Variants in FRYL observed in about 807,000 individuals in gnomAD.
FRYL encodes FRY like transcription coactivator.
A neutral mutation model predicts 351.2 loss-of-function variants in FRYL; 150 were observed. The observed-to-expected ratio is 0.43, with a 90% CI of 0.37 to 0.49. The LOEUF (loss-of-function observed/expected upper bound fraction) is 0.49. Ranked by LOEUF, FRYL falls within the 20% of genes least tolerant of loss-of-function variation. FRYL has a pLI of 0.00. For missense variants in FRYL, 3,036 were observed against 3,619.3 expected, an observed-to-expected ratio of 0.84 and a Z score of 4.13; for synonymous variants, 1,153 against 1,257.1, an observed-to-expected ratio of 0.92 and a Z score of 1.75.
At chr4:48,745,254 T>C (rs900251353) in intron 1 of FRYL, among the ~76,000 whole-genome samples, 9 of 152,192 alleles carry the variant, frequency 5.9e-5, no homozygotes, top group South Asian at 2.1e-4. Flanking sequence ...CATTACTGGG[T>C]ATATACCCAA....
At chr4:48,565,096 T>C in intron 29 of FRYL, 53 bp from the exon 30 acceptor site, 5 of 1,068,748 alleles carry the variant, frequency 4.7e-6, no homozygotes, top group Non-Finnish European at 6.9e-6. Flanking sequence ...GGTTAAATGT[T>C]GGTTGCTTAA....
chr4:48,559,183 C>T (rs1432501691), intron 33 of FRYL, among the ~76,000 whole-genome samples: 1 of 152,104 alleles, frequency 6.6e-6, no homozygotes, highest in African/African-American at 2.4e-5. Context: ...CAATTATGCT[C>T]AACCTTAACC....
intron 4 of FRYL, among the ~76,000 whole-genome samples, chr4:48,627,224 C>A (rs1255984654): frequency 6.6e-6 from 1 of 152,036 alleles, no homozygotes; most frequent in Non-Finnish European, 1.5e-5. Flanking sequence ...CTAATGTGAA[C>A]TATGTGTCTA....
chr4:48,605,948 G>A, intron 10 of FRYL, 115 bp from the exon 11 acceptor site: 1 of 652,418 alleles, frequency 1.5e-6, no homozygotes, highest in South Asian at 2.0e-5. Flanking sequence ...TAAGGTCAAT[G>A]CATCTTCAAG....
chr4:48,521,060 G>T lies in FRYL; in HGVS notation c.7677C>A (p.Ser2559Arg). The change falls in exon 55 of 64, where the codon AGC becomes AGA. Residue 2559 changes from serine (S) to arginine (R), a missense_variant. Physicochemically the swap from Ser to Arg is moderately radical, Grantham distance 110 (BLOSUM62 -1). Coordinates refer to ENST00000358350, the MANE Select transcript of FRYL (RefSeq NM_015030.2). ...TLEASLDNANSRLPEDTTSVL... is the reference protein window; with the variant it reads ...TLEASLDNANRRLPEDTTSVL... ...CATTTCTCCCCACCTCAGGCAGCCG[G>T]CTGTTAGCATTATCTAGAGAAGCCT... is the stretch of plus-strand genomic sequence containing the variant. The T allele has an allele frequency of 6.2e-7, 1 of 1,610,408 alleles. No individual in the cohort carries two copies. Among genetic ancestry groups the T allele is most frequent in the Non-Finnish European group, 8.5e-7 (1 of 1,178,124 alleles).
At chr4:48,758,602 G>C (rs1774061018) in intron 1 of FRYL, among the ~76,000 whole-genome samples, 1 of 152,188 alleles carries the variant, frequency 6.6e-6, no homozygotes, top group African/African-American at 2.4e-5. Flanking sequence ...AGAGGATGTG[G>C]AGAAATGGGA....
intron 4 of FRYL, among the ~76,000 whole-genome samples, chr4:48,626,321 T>C (rs1751818655): frequency 7.0e-6 from 1 of 142,396 alleles, no homozygotes; most frequent in African/African-American, 2.6e-5. Context: ...TTTAAAGATA[T>C]CTTAAGAACT....
At chr4:48,721,963 C>T (rs903800035) in intron 1 of FRYL, among the ~76,000 whole-genome samples, 3 of 152,094 alleles carry the variant, frequency 2.0e-5, no homozygotes, top group African/African-American at 7.2e-5. Flanking sequence ...CTTAGATGCT[C>T]AGAAATGGGG....
chr4:48,553,284 C>T lies in FRYL; in HGVS notation c.4366G>A (p.Val1456Ile). The change falls in exon 36 of 64, where the codon GTC becomes ATC. Residue 1456 changes from valine (V) to isoleucine (I), a missense_variant. Physicochemically the swap from Val to Ile is conservative, Grantham distance 29. Coordinates refer to ENST00000358350, the MANE Select transcript of FRYL (RefSeq NM_015030.2). ...LQLTDPVSSGVTHMDNPPYYR... is the reference protein window; with the variant it reads ...LQLTDPVSSGITHMDNPPYYR... ...TACGGGGGATTATCCATGTGAGTGACCCCTGAACTGACAGGATCGGTCAGC... is the reference window on the plus strand; with the variant it reads ...TACGGGGGATTATCCATGTGAGTGATCCCTGAACTGACAGGATCGGTCAGC... 6.2e-7 allele frequency: 1 copy of T among 1,613,566 alleles called. No homozygotes were observed. The highest frequency in any genetic ancestry group is 8.5e-7 in the Non-Finnish European group (1 of 1,179,588).
chr4:48,625,021 T>C (rs1173458591), intron 4 of FRYL, among the ~76,000 whole-genome samples: 1 of 152,198 alleles, frequency 6.6e-6, no homozygotes, highest in African/African-American at 2.4e-5. Flanking sequence ...CTCTCCTGGT[T>C]CTCAAGCCTT....
At chr4:48,663,619 C>A (rs1761201132) in intron 3 of FRYL, among the ~76,000 whole-genome samples, 1 of 150,808 alleles carries the variant, frequency 6.6e-6, no homozygotes, top group African/African-American at 2.4e-5. Context: ...ACTAAAAATA[C>A]AAAAAATTAG....
At chr4:48,749,546 T>G (rs182404877) in intron 1 of FRYL, among the ~76,000 whole-genome samples, 57 of 152,278 alleles carry the variant, frequency 3.7e-4, no homozygotes, top group Non-Finnish European at 6.9e-4. Context: ...TGGAAGCTCA[T>G]GGTTGTCAAG....
chr4:48,582,090 C>G (rs1047728974), intron 20 of FRYL, among the ~76,000 whole-genome samples: 5 of 152,172 alleles, frequency 3.3e-5, no homozygotes, highest in South Asian at 2.1e-4. Flanking sequence ...TATCATAAAT[C>G]AATGATTTGA....
chr4:48,531,019 C>G, intron 50 of FRYL, 137 bp downstream of exon 50: 2 of 629,290 alleles, frequency 3.2e-6, no homozygotes, highest in Non-Finnish European at 2.8e-6. Context: ...CCCATCCCCA[C>G]TTGGTTGTTC....
intron 11 of FRYL, among the ~76,000 whole-genome samples, chr4:48,604,919 A>C (rs999699367): frequency 6.6e-6 from 1 of 151,642 alleles, no homozygotes; most frequent in Non-Finnish European, 1.5e-5. Flanking sequence ...CATCTGGGAG[A>C]AAAAAAAAGG....
chr4:48,533,100 A>C (rs1401173403), intron 49 of FRYL, among the ~76,000 whole-genome samples: 1 of 152,074 alleles, frequency 6.6e-6, no homozygotes, highest in Non-Finnish European at 1.5e-5. Flanking sequence ...TGAGATGGGG[A>C]GTGTGCAGTT....
chr4:48,539,805 C>G (rs934763300), intron 47 of FRYL, among the ~76,000 whole-genome samples, 166 bp downstream of exon 47: 4 of 152,120 alleles, frequency 2.6e-5, no homozygotes, highest in Non-Finnish European at 5.9e-5. Flanking sequence ...TTGTAACTTA[C>G]GCCATTACTA....
At chr4:48,588,593 C>T (rs1742617948) in intron 18 of FRYL, among the ~76,000 whole-genome samples, 1 of 152,156 alleles carries the variant, frequency 6.6e-6, no homozygotes, top group Non-Finnish European at 1.5e-5. Context: ...CTCATGCGTG[C>T]TTGCTTTCAA....
chr4:48,510,692 A>G, intron 58 of FRYL, 143 bp downstream of exon 58: 2 of 692,224 alleles, frequency 2.9e-6, no homozygotes, highest in South Asian at 3.5e-5. Context: ...ATATACTAGA[A>G]TTGTAGTTTG....
Sources: allele counts gnomAD v4.1 joint callset (sites outside exome capture counted in the v4.1 genomes callset), GRCh38; gene constraint gnomAD v4.1.1; transcripts MANE v1.5; gene names NCBI Gene and HGNC (gene_info 2026-07-23, HGNC 2026-07-21).